Variants in CSF1R observed in about 807,000 individuals in gnomAD.
The protein encoded by CSF1R is macrophage colony-stimulating factor 1 receptor.
In CSF1R, 40 loss-of-function variants were observed where a neutral mutation model predicts 110.0. The ratio of observed to expected loss-of-function variants is 0.36; its 90% CI spans 0.28 to 0.47. CSF1R has a LOEUF of 0.47. Among genes scored for constraint, CSF1R ranks in the 20% least tolerant of loss-of-function variants. The pLI is 0.99. For missense variants in CSF1R, 1,052 were observed against 1,253.0 expected (o/e 0.84, Z 2.42); for synonymous variants, 523 against 503.4 (o/e 1.04, Z -0.52).
In CSF1R at chr5:150,053,952, C is replaced by G. The variant is rs527573593; in HGVS notation, c.*117G>C. 31 of 1,050,166 alleles carry G rather than the reference C, an allele frequency of 3.0e-5. No individual in the cohort carries two copies. The South Asian group carries it at 4.7e-4, about 16-fold the overall frequency. 65.1% of individuals were successfully genotyped at this position (1,050,166 alleles called of 1,614,324 possible). A position where few individuals can be genotyped will look rare whatever the true frequency, so the allele number is the denominator to read the frequency against. ...ACCTTCCCAAGTTTCAGAGCTGGGC[C>G]GAGCTGTTGAGTGAAATGACCGAAG... is the stretch of plus-strand genomic sequence containing the variant. On this transcript the variant is annotated 3_prime_UTR_variant, in exon 21 of 21. Coordinates refer to ENST00000675795, the MANE Select transcript of CSF1R (RefSeq NM_001288705.3).
In CSF1R at chr5:150,054,401, A is replaced by G; in HGVS notation, c.2684T>C (p.Leu895Ser). 1.2e-6 allele frequency: 2 copies of G among 1,613,686 alleles called. No homozygotes were observed. Among genetic ancestry groups the G allele is most frequent in the Non-Finnish European group, 1.7e-6 (2 of 1,179,842 alleles). The change falls in exon 20 of 21, where the codon TTG (leucine) becomes TCG (serine). Residue 895 changes from leucine to serine, a missense_variant. Leu to Ser is a moderately radical substitution (Grantham distance 145). Coordinates refer to ENST00000675795, the MANE Select transcript of CSF1R (RefSeq NM_001288705.3). ...IYSIMQACWA[L>S]EPTHRPTFQQ... Reference sequence around the variant, plus strand: ...GAAGGTGGGTCTGTGGGTGGGCTCCAAGGCCCAGCAGGCCTGCATGATGCT... The same window carrying G: ...GAAGGTGGGTCTGTGGGTGGGCTCCGAGGCCCAGCAGGCCTGCATGATGCT...
chr5:150,103,963 A>G (rs537417861), intron 1 of CSF1R, among the ~76,000 whole-genome samples: 1 of 152,286 alleles, frequency 6.6e-6, no homozygotes, highest in East Asian at 1.9e-4. Context: ...CCAGCCTCAG[A>G]ATCACAGGGG....
At chr5:150,061,949 C>T (rs1757553850) in intron 10 of CSF1R, 100 bp from the exon 11 acceptor site, 17 of 1,546,550 alleles carry the variant, frequency 1.1e-5, no homozygotes, top group Middle Eastern at 4.2e-4. Flanking sequence ...AGTCCCAAGG[C>T]GCCCAGTGGG....
rs752687225 is a variant in CSF1R at position 150,054,168 on chromosome 5, A to ACTGCTG, written c.2814_2819dup (p.Ser939_Ser940dup). 11 of 1,612,692 alleles carry ACTGCTG rather than the reference A, an allele frequency of 6.8e-6. No individual in the cohort carries two copies. The highest frequency in any genetic ancestry group is 2.2e-5 in the South Asian group (2 of 90,918). On this transcript the variant is annotated inframe_insertion, in exon 21 of 21. Transcript: ENST00000675795. ...CACTAGAGCTCTCCTCCTCCAGCTC[A>ACTGCTG]CTGCTGCTGCTGCCGCTGCCACCGC...
At position 150,070,182 on chromosome 5, in the gene CSF1R, C is replaced by T. The variant is rs1256237050; in HGVS notation, c.1319G>A (p.Arg440Lys). ...TWLQCSGHTD[R>K]CDEAQVLQVW... ...AGGGAGGTGAGTGGAGCCCACTTAC[C>T]TATCAGTGTGGCCACTGCACTGCAG... is the stretch of plus-strand genomic sequence containing the variant. Residue 440 changes from arginine (R) to lysine (K), a missense_variant and splice_region_variant, in exon 8 of 21, where the codon AGG (arginine) becomes AAG (lysine). Arg to Lys is a conservative substitution (Grantham distance 26). Coordinates refer to ENST00000675795, the MANE Select transcript of CSF1R (RefSeq NM_001288705.3). 3 of 1,613,674 alleles carry T rather than the reference C, an allele frequency of 1.9e-6. No homozygotes were observed. Among genetic ancestry groups the T allele is most frequent in the Non-Finnish European group, 2.5e-6 (3 of 1,179,778 alleles).
At chr5:150,112,952 A>G (rs1053846912) in intron 1 of CSF1R, among the ~76,000 whole-genome samples, 2 of 152,190 alleles carry the variant, frequency 1.3e-5, no homozygotes, top group African/African-American at 4.8e-5. Flanking sequence ...GGGAGGGGCT[A>G]AGGACACACA....
At chr5:150,065,241 A>G (rs891781811) in intron 10 of CSF1R, among the ~76,000 whole-genome samples, 15 of 152,010 alleles carry the variant, frequency 9.9e-5, no homozygotes, top group African/African-American at 3.6e-4. Flanking sequence ...GATGTTCTCC[A>G]TCCCAGGAAG....
chr5:150,076,356 ATCTATCTATCTATCTATC>A, intron 5 of CSF1R, among the ~76,000 whole-genome samples: 1 of 147,714 alleles, frequency 6.8e-6, no homozygotes, highest in Non-Finnish European at 1.5e-5. Context: ...CTATCTATCT[ATCTATCTATCTATCTATC>A]TAATCTATCT....
chr5:150,068,496 C>T (rs1486148496), intron 9 of CSF1R, among the ~76,000 whole-genome samples, 166 bp from the exon 10 acceptor site: 3 of 152,202 alleles, frequency 2.0e-5, no homozygotes, highest in Non-Finnish European at 4.4e-5. Flanking sequence ...ACACCCTCCC[C>T]GAGAAAGGCA....
chr5:150,086,217 C>G (rs936022717), intron 1 of CSF1R, among the ~76,000 whole-genome samples, 162 bp downstream of exon 1: 3 of 152,160 alleles, frequency 2.0e-5, no homozygotes, highest in African/African-American at 7.2e-5. Context: ...CTCTTTTCAC[C>G]CCACTACCTC....
At chr5:150,081,795 C>A (rs780021456) in intron 1 of CSF1R, among the ~76,000 whole-genome samples, 1 of 152,182 alleles carries the variant, frequency 6.6e-6, no homozygotes, top group Non-Finnish European at 1.5e-5. Context: ...TACTGGGAAG[C>A]CAATCTCTTT....
Position 150,077,035 on chromosome 5 carries a change from C to G in CSF1R, c.889+241G>C, listed in dbSNP as rs954503145. 10 of 562,544 alleles carry G rather than the reference C, an allele frequency of 1.8e-5. No individual in the cohort carries two copies. In the African/African-American group the frequency reaches 1.9e-4, roughly 11 times the overall value. The allele number at this position is 562,544 out of a possible 1,614,324, so 34.8% of individuals were successfully genotyped here. ...CAATCCCCAAATAAACAAAAAATGG[C>G]ACTAAGGTGCACCCAATGCAGCCAT... On this transcript the variant is annotated intron_variant, in intron 5 of 20. Transcript: ENST00000675795.
Position 150,085,277 on chromosome 5 carries a change from G to GAAAAAAAA in CSF1R, c.49+1094_49+1101dup, listed in dbSNP as rs70973563. Among the ~76,000 whole-genome samples, 219 of 92,440 alleles carry GAAAAAAAA rather than the reference G, an allele frequency of 2.4e-3. 10 individuals are homozygous for GAAAAAAAA. Among genetic ancestry groups the GAAAAAAAA allele is most frequent in the South Asian group, 9.0e-3 (25 of 2,778 alleles). The allele number at this position is 92,440 out of a possible 152,430, so 60.6% of individuals were successfully genotyped here. ...GTGACAGAGAGAGACTCTGTCTCAG[G>GAAAAAAAA]AAAAAAAAAAAAAAAACCCAAATAC... On this transcript the variant is annotated intron_variant, in intron 1 of 20. Transcript: ENST00000675795.
At chr5:150,092,939 TCTCA>T (rs1292479286) in intron 1 of CSF1R, among the ~76,000 whole-genome samples, 1 of 151,764 alleles carries the variant, frequency 6.6e-6, no homozygotes, top group Non-Finnish European at 1.5e-5. Context: ...TCTCTCTCTC[TCTCA>T]AAGTACCTTC....
intron 1 of CSF1R, among the ~76,000 whole-genome samples, chr5:150,109,200 C>T (rs1759645993): frequency 2.0e-5 from 3 of 152,132 alleles, no homozygotes; most frequent in East Asian, 1.9e-4. Context: ...AGCAGGGAGG[C>T]TGGAAGGCAA....
intron 10 of CSF1R, among the ~76,000 whole-genome samples, chr5:150,065,549 G>C (rs1405918539): frequency 6.6e-6 from 1 of 152,238 alleles, no homozygotes; most frequent in Non-Finnish European, 1.5e-5. Flanking sequence ...CCCAGGCCTG[G>C]GCAATGAGGA....
intron 10 of CSF1R, among the ~76,000 whole-genome samples, chr5:150,065,061 C>G (rs1053538395): frequency 6.6e-6 from 1 of 152,186 alleles, no homozygotes; most frequent in Non-Finnish European, 1.5e-5. Flanking sequence ...GGGAGTGGGG[C>G]GCTGGGCTAG....
At chr5:150,078,291 A>C in intron 3 of CSF1R, 43 bp from the exon 4 acceptor site, 2 of 1,609,902 alleles carry the variant, frequency 1.2e-6, no homozygotes, top group Non-Finnish European at 1.7e-6. Context: ...GGCTCCCTGA[A>C]CATGATAGAG....
chr5:150,057,091 C>T (rs1757253430), intron 16 of CSF1R, among the ~76,000 whole-genome samples, 196 bp downstream of exon 16: 2 of 152,084 alleles, frequency 1.3e-5, no homozygotes, highest in South Asian at 2.1e-4. Flanking sequence ...CACAGGTGCC[C>T]AGCCCCAGAG....
Sources: allele counts gnomAD v4.1 joint callset (sites outside exome capture counted in the v4.1 genomes callset), GRCh38; gene constraint gnomAD v4.1.1; transcripts MANE v1.5; gene names NCBI Gene and HGNC (gene_info 2026-07-23, HGNC 2026-07-21).